The following SCRIB variants were observed in gnomAD, a reference collection of about 807,000 sequenced individuals.
SCRIB encodes the protein scribble planar cell polarity protein, also known as protein scribble homolog.
A neutral mutation model predicts 170.0 loss-of-function variants in SCRIB; 72 were observed. That is an observed-to-expected ratio of 0.42 (90% CI 0.35 to 0.52). SCRIB has a LOEUF of 0.52. SCRIB is among the 20% of genes least tolerant of loss of function. The pLI, the probability that SCRIB is intolerant of heterozygous loss-of-function variation, is 0.02. For synonymous variants in SCRIB, 1,298 were observed against 1,044.3 expected, an observed-to-expected ratio of 1.24 and a Z score of -4.68; for missense variants, 2,475 against 2,338.5, an observed-to-expected ratio of 1.06 and a Z score of -1.20.
rs1212971596 is a variant in SCRIB, at chr8:143,808,475, G to A, written c.2115+134C>T. On this transcript the variant is annotated intron_variant, in intron 15 of 36. Transcript: ENST00000356994. ...GAGTGGCCGTGATGCCGACTGTGGAGCACACGTGTCCACCACCTTCTCCGG... is the reference window on the plus strand; with the variant it reads ...GAGTGGCCGTGATGCCGACTGTGGAACACACGTGTCCACCACCTTCTCCGG... The A allele has an allele frequency of 2.8e-6, 3 of 1,068,538 alleles. No homozygotes were observed. In the African/African-American group the frequency reaches 4.8e-5, roughly 17 times the overall value. The allele number at this position is 1,068,538 out of a possible 1,614,324, so 66.2% of individuals were successfully genotyped here. A position where few individuals can be genotyped will look rare whatever the true frequency, so the allele number is the denominator to read the frequency against.
intron 24 of SCRIB, among the ~76,000 whole-genome samples, chr8:143,798,705 C>A (rs1815048710): frequency 6.6e-6 from 1 of 152,124 alleles, no homozygotes; most frequent in Non-Finnish European, 1.5e-5. Flanking sequence ...TGTAACAGTA[C>A]AAACTCAGGA....
At chr8:143,811,455 T>TGTGAGGGA in intron 9 of SCRIB, 110 bp from the exon 10 acceptor site, 1 of 938,216 alleles carries the variant, frequency 1.1e-6, no homozygotes, top group Non-Finnish European at 1.6e-6. Flanking sequence ...CCAGCCAGGG[T>TGTGAGGGA]CCCTCACAGC....
At chr8:143,814,216 C>A in intron 1 of SCRIB, 98 bp from the exon 2 acceptor site, 3 of 989,720 alleles carry the variant, frequency 3.0e-6, no homozygotes, top group Non-Finnish European at 4.6e-6. Context: ...AGTCCCTAGG[C>A]CTCTGTCTGC....
chr8:143,796,713 G>A (rs782132482), intron 24 of SCRIB, among the ~76,000 whole-genome samples: 1 of 152,152 alleles, frequency 6.6e-6, no homozygotes, highest in Non-Finnish European at 1.5e-5. Context: ...AGACTCACAG[G>A]ACTAGCGGGA....
In SCRIB at chr8:143,813,299, G is replaced by C. The variant is rs760204538; in HGVS notation, c.567+12C>G. 3.7e-6 allele frequency: 6 copies of C among 1,613,386 alleles called. No homozygotes were observed. Among genetic ancestry groups the C allele is most frequent in the Non-Finnish European group, 5.1e-6 (6 of 1,179,936 alleles). On this transcript the variant is annotated intron_variant, in intron 6 of 36. Coordinates refer to ENST00000356994, the MANE Select transcript of SCRIB (RefSeq NM_182706.5). ...CGCCCTCCGGTCTCTGCCCTGTCAG[G>C]CCTCCACGCACCAGCACTTCCAGAT...
At position 143,807,712 on chromosome 8, in the gene SCRIB, A is replaced by G. The variant is rs548082219; in HGVS notation, c.2116-98T>C. On this transcript the variant is annotated intron_variant, in intron 15 of 36. Coordinates refer to ENST00000356994, the MANE Select transcript of SCRIB (RefSeq NM_182706.5). ...CCGCCACAAGCAGAAAGGACAGAGG[A>G]GACCACAGCAAGCTCCCTCGACTGC... 137 of 979,596 alleles carry G rather than the reference A, an allele frequency of 1.4e-4. 4 individuals are homozygous for G. The South Asian group carries it at 1.7e-3, about 12-fold the overall frequency. 60.7% of individuals were successfully genotyped at this position (979,596 alleles called of 1,614,324 possible). A position where few individuals can be genotyped will look rare whatever the true frequency, so the allele number is the denominator to read the frequency against.
chr8:143,806,532 A>T (rs1234499458), intron 17 of SCRIB, 48 bp from the exon 18 acceptor site: 4 of 1,447,562 alleles, frequency 2.8e-6, no homozygotes. Flanking sequence ...ACGGGCCCGC[A>T]TTCCTGCTCC....
intron 14 of SCRIB, 74 bp from the exon 15 acceptor site, chr8:143,809,099 G>A (rs1035384584): frequency 4.6e-6 from 7 of 1,518,054 alleles, no homozygotes; most frequent in Non-Finnish European, 6.2e-6. Flanking sequence ...ACTAAACAGT[G>A]TGGCCACAGA....
At position 143,795,328 on chromosome 8, in the gene SCRIB, C is replaced by T. The variant is rs1554633878; in HGVS notation, c.3720G>A (p.Lys1240=). 6.2e-7 allele frequency: 1 copy of T among 1,612,922 alleles called. No individual in the cohort carries two copies. The highest frequency in any genetic ancestry group is 1.7e-5 in the Admixed American group (1 of 60,018). The part of the protein sequence containing the change: ...ELSPEGPGKE[K]ELPGQTLHWG... ...AGTGCAGGGTCTGTCCAGGCAGCTC[C>T]TTCTCCTGTGAGCAGAGCAGAGCAG... The change falls in exon 26 of 37, where the codon AAG becomes AAA. Residue 1240 remains lysine, a synonymous_variant. Coordinates refer to ENST00000356994, the MANE Select transcript of SCRIB (RefSeq NM_182706.5).
At position 143,806,966 on chromosome 8, in the gene SCRIB, A is replaced by G. The variant is rs1485379100; in HGVS notation, c.2226T>C (p.Ile742=). 9 of 1,613,304 alleles carry G rather than the reference A, an allele frequency of 5.6e-6. No individual in the cohort carries two copies. Among genetic ancestry groups the G allele is most frequent in the Non-Finnish European group, 7.6e-6 (9 of 1,179,806 alleles). Residue 742 remains isoleucine (I), a synonymous_variant, in exon 17 of 37, where the codon ATT becomes ATC. Transcript: ENST00000356994. ...LRQTGGLGIS[I]AGGKGSTPYK... is the part of the protein sequence containing the mutation. Reference sequence around the variant, plus strand: ...AGGGTGTGGAGCCCTTGCCGCCCGCAATGCTGATGCCCAGGCCCCCAGTCT... The same window carrying G: ...AGGGTGTGGAGCCCTTGCCGCCCGCGATGCTGATGCCCAGGCCCCCAGTCT...
intron 14 of SCRIB, 148 bp downstream of exon 14, chr8:143,809,403 G>C (rs940471159): frequency 1.1e-6 from 1 of 927,416 alleles, no homozygotes; most frequent in Non-Finnish European, 1.6e-6. Flanking sequence ...TGCACCACCC[G>C]TAGCCACTCT....
At position 143,791,109 on chromosome 8, in the gene SCRIB, G is replaced by A. The variant is rs28473203; in HGVS notation, c.*54C>T. 7.3e-3 allele frequency: 10,043 copies of A among 1,376,380 alleles called. 78 individuals carry two copies. The highest frequency in any genetic ancestry group is 0.029 in the South Asian group (1,480 of 51,600). The allele number at this position is 1,376,380 out of a possible 1,614,324, so 85.3% of individuals were successfully genotyped here. On this transcript the variant is annotated 3_prime_UTR_variant, in exon 37 of 37. Coordinates refer to ENST00000356994, the MANE Select transcript of SCRIB (RefSeq NM_182706.5). ...AGGTTAAAAGACTTGGGGCAAGGGTGGTGCTGGAGCTGGCAGGGCCCCCAC... is the reference window on the plus strand; with the variant it reads ...AGGTTAAAAGACTTGGGGCAAGGGTAGTGCTGGAGCTGGCAGGGCCCCCAC...
At position 143,795,472 on chromosome 8, in the gene SCRIB, A is replaced by G; in HGVS notation, c.3662T>C (p.Leu1221Pro). ...FAAGIGHRNS[L>P]ESISSIDREL... ...CCGGTCGATGGAAGAGATGCTCTCC[A>G]GGCTGTTCCGGTGGCCGATGCCTGC... Residue 1221 changes from leucine to proline, a missense_variant, in exon 25 of 37, where the codon CTG becomes CCG. Physicochemically the swap from Leu to Pro is moderately conservative, Grantham distance 98 (BLOSUM62 -3). Transcript: ENST00000356994. 2 of 1,613,242 alleles carry G rather than the reference A, an allele frequency of 1.2e-6. No homozygotes were observed. Among genetic ancestry groups the G allele is most frequent in the Non-Finnish European group, 1.7e-6 (2 of 1,179,834 alleles).
chr8:143,792,445 C>T (rs1563787306), intron 31 of SCRIB, 40 bp from the exon 32 acceptor site: 13 of 1,502,194 alleles, frequency 8.7e-6, no homozygotes, highest in East Asian at 2.4e-5. Flanking sequence ...GGCAGGGGCA[C>T]GTGGGGTGAG....
intron 15 of SCRIB, among the ~76,000 whole-genome samples, 173 bp from the exon 16 acceptor site, chr8:143,807,787 G>C (rs1815496597): frequency 6.6e-6 from 1 of 152,112 alleles, no homozygotes; most frequent in South Asian, 2.1e-4. Context: ...CCACACACCT[G>C]GGGACAAGCG....
intron 10 of SCRIB, 35 bp downstream of exon 10, chr8:143,811,111 C>A (rs1815696232): frequency 6.2e-7 from 1 of 1,604,006 alleles, no homozygotes; most frequent in Non-Finnish European, 8.5e-7. Context: ...GCGTTGGGGC[C>A]ACGGTTAGGC....
rs782180391 is a variant in SCRIB, at chr8:143,803,959, G to A, written c.3121-19C>T. On this transcript the variant is annotated intron_variant, in intron 22 of 36. Coordinates refer to ENST00000356994, the MANE Select transcript of SCRIB (RefSeq NM_182706.5). ...GGAGCACCTGTCAGGGAGGAGGGTG[G>A]CAGCTGGTGGCTGAGGCCGCGCTGA... 1 of 1,572,556 alleles carries A rather than the reference G, an allele frequency of 6.4e-7. No homozygotes were observed.
rs539760209 is a variant in SCRIB at position 143,813,190 on chromosome 8, A to G, written c.568-86T>C. 446 of 1,585,192 alleles carry G rather than the reference A, an allele frequency of 2.8e-4. 1 individual carries two copies. In the African/African-American group the frequency reaches 5.0e-3, roughly 18 times the overall value. On this transcript the variant is annotated intron_variant, in intron 6 of 36. Transcript: ENST00000356994. ...CAAGAGACTATACGCCCCCACACCC[A>G]GCTCCCACCCGCCTGCCCTCCCGAG...
Position 143,795,485 on chromosome 8 carries a change from G to C in SCRIB, c.3649C>G (p.His1217Asp), listed in dbSNP as rs1554633927. ...IANPFAAGIG[H>D]RNSLESISSI... ...GAGATGCTCTCCAGGCTGTTCCGGT[G>C]GCCGATGCCTGCCGCAAAGGGGTTG... The change falls in exon 25 of 37, where the codon CAC becomes GAC. Residue 1217 changes from histidine to aspartate, a missense_variant. Around this residue, in one of 3 missense-constraint regions of SCRIB, gnomAD observed 1,966 missense variants for 1,742.9 expected, o/e 1.13. Coordinates refer to ENST00000356994, the MANE Select transcript of SCRIB (RefSeq NM_182706.5). The C allele has an allele frequency of 6.2e-7, 1 of 1,613,238 alleles. No homozygotes were observed. The highest frequency in any genetic ancestry group is 1.7e-5 in the Admixed American group (1 of 59,972).
Sources: gnomAD v4.1 joint callset for allele counts (sites outside exome capture counted in the v4.1 genomes callset) on GRCh38, gnomAD v4.1.1 for gene constraint, gnomAD v4.1.1 regional missense constraint, MANE v1.5 for transcripts, NCBI Gene and HGNC (gene_info 2026-07-23, HGNC 2026-07-21) for gene names.